The following DNAH10 variants were observed in gnomAD, a reference collection of about 807,000 sequenced individuals.
DNAH10 encodes dynein axonemal heavy chain 10, also known as axonemal beta dynein heavy chain 10.
DNAH10 carries 348 observed loss-of-function variants against 506.6 expected under a neutral mutation model. That is an observed-to-expected ratio of 0.69 (90% CI 0.63 to 0.75). The LOEUF is 0.75. Ranked by LOEUF, DNAH10 falls within the 30% of genes least tolerant of loss-of-function variation. The probability of loss-of-function intolerance (pLI) is 0.00; values close to 1 mark genes in which losing one functional copy is unlikely to be tolerated. For synonymous variants in DNAH10, 2,059 were observed against 2,198.6 expected, an observed-to-expected ratio of 0.94 and a Z score of 1.78; for missense variants, 5,179 against 5,787.1, an observed-to-expected ratio of 0.89 and a Z score of 3.41.
rs144551230 is a variant in DNAH10, at chr12:123,774,422, C to T, written c.621+158C>T. Among the ~76,000 whole-genome samples, 539 of 152,166 alleles carry T rather than the reference C, an allele frequency of 3.5e-3. 8 individuals are homozygous for T. Among genetic ancestry groups the T allele is most frequent in the African/African-American group, 0.012 (498 of 41,502 alleles). On this transcript the variant is annotated intron_variant, in intron 5 of 78. Coordinates refer to ENST00000673944, the MANE Select transcript of DNAH10 (RefSeq NM_001372106.1). Reference sequence around the variant, plus strand: ...CTCGGTTGGGGAGACCCTAACCCAGCGGCGCTAGAGAAATTAAAGACACAC... The same window carrying T: ...CTCGGTTGGGGAGACCCTAACCCAGTGGCGCTAGAGAAATTAAAGACACAC...
chr12:123,900,796 T>A (rs1953485064), intron 56 of DNAH10, among the ~76,000 whole-genome samples: 1 of 152,154 alleles, frequency 6.6e-6, no homozygotes, highest in Non-Finnish European at 1.5e-5. Flanking sequence ...CCGTTTGGGC[T>A]TCATCTCAGG....
Position 123,861,150 on chromosome 12 carries a change from A to G in DNAH10, c.6888A>G (p.Pro2296=), listed in dbSNP as rs1359102744. 1 of 1,614,002 alleles carries G rather than the reference A, an allele frequency of 6.2e-7. No homozygotes were observed. Among genetic ancestry groups the G allele is most frequent in the Non-Finnish European group, 8.5e-7 (1 of 1,179,892 alleles). Residue 2296 remains proline (P), a synonymous_variant, in exon 39 of 79, where the codon CCA becomes CCG. Coordinates refer to ENST00000673944, the MANE Select transcript of DNAH10 (RefSeq NM_001372106.1). The part of the protein sequence containing the change: ...LSNIFREINK[P]TDKKERKYIL... ...ACATCTTCAGGGAAATCAACAAGCC[A>G]ACAGACAAGAAGGAGCGAAAGTGAG...
intron 16 of DNAH10, among the ~76,000 whole-genome samples, chr12:123,801,812 GTT>G (rs59555853): frequency 0.078 from 11,860 of 152,194 alleles, 727 homozygotes; most frequent in African/African-American, 0.18. Flanking sequence ...TGCAAAACTA[GTT>G]AAGATCACAA....
intron 59 of DNAH10, among the ~76,000 whole-genome samples, 171 bp downstream of exon 59, chr12:123,910,843 T>C (rs972556211): frequency 2.6e-5 from 4 of 152,148 alleles, no homozygotes; most frequent in Non-Finnish European, 2.9e-5. Context: ...CACTATCACT[T>C]AGGCATAGTG....
In DNAH10 at chr12:123,893,452, C is replaced by A; in HGVS notation, c.9199+16C>A. 6.2e-7 allele frequency: 1 copy of A among 1,611,756 alleles called. No homozygotes were observed. Among genetic ancestry groups the A allele is most frequent in the South Asian group, 1.1e-5 (1 of 90,990 alleles). On this transcript the variant is annotated intron_variant, in intron 53 of 78. Transcript: ENST00000673944. ...AACTTCCCAGGTACCCGCGGTGGAG[C>A]CTGTGAACCCATTTCCCCTGCTTTG... is the stretch of plus-strand genomic sequence containing the variant.
chr12:123,834,183 A>AG (rs1326587604), intron 27 of DNAH10, among the ~76,000 whole-genome samples: 2 of 152,130 alleles, frequency 1.3e-5, no homozygotes, highest in African/African-American at 4.8e-5. Context: ...TATGTGGGAT[A>AG]TAGCACTGTT....
chr12:123,873,292 C>T (rs1366590751), intron 45 of DNAH10, among the ~76,000 whole-genome samples: 1 of 152,168 alleles, frequency 6.6e-6, no homozygotes, highest in Non-Finnish European at 1.5e-5. Flanking sequence ...AGAAACAAGA[C>T]CCTCAGTCTA....
rs371844367 is a variant in DNAH10, at chr12:123,814,815, T to C, written c.3780+903T>C. 2.1e-3 allele frequency among the ~76,000 whole-genome samples: 321 copies of C among 152,118 alleles called. 1 individual carries two copies. The highest frequency in any genetic ancestry group is 6.5e-3 in the African/African-American group (271 of 41,522). ...TGTATTTTTAGTAGAGACAGGGTTTTACTATGTTAGCCAGGATGGTCTCGA... is the reference window on the plus strand; with the variant it reads ...TGTATTTTTAGTAGAGACAGGGTTTCACTATGTTAGCCAGGATGGTCTCGA... On this transcript the variant is annotated intron_variant, in intron 21 of 78. Coordinates refer to ENST00000673944, the MANE Select transcript of DNAH10 (RefSeq NM_001372106.1).
At chr12:123,873,495 A>G in intron 45 of DNAH10, 63 bp from the exon 46 acceptor site, 1 of 1,532,036 alleles carries the variant, frequency 6.5e-7, no homozygotes, top group Non-Finnish European at 8.8e-7. Context: ...CTTATTTGCA[A>G]ATGTTTACTG....
Position 123,916,771 on chromosome 12 carries a change from A to T in DNAH10, c.11002+35A>T. On this transcript the variant is annotated intron_variant, in intron 63 of 78. Coordinates refer to ENST00000673944, the MANE Select transcript of DNAH10 (RefSeq NM_001372106.1). The surrounding 1 kb of genome is among the most constrained non-coding windows in gnomAD (Gnocchi z 4.6). Reference sequence around the variant, plus strand: ...TGTAGAACCTCCACTGCTAATTCAGATGGTTATGAGGGAGACCGCAACCTC... The same window carrying T: ...TGTAGAACCTCCACTGCTAATTCAGTTGGTTATGAGGGAGACCGCAACCTC... The T allele has an allele frequency of 6.3e-7, 1 of 1,575,820 alleles. No individual in the cohort carries two copies. The highest frequency in any genetic ancestry group is 1.2e-5 in the South Asian group (1 of 85,054).
intron 8 of DNAH10, 60 bp downstream of exon 8, chr12:123,784,237 A>C: frequency 6.5e-7 from 1 of 1,531,332 alleles, no homozygotes; most frequent in Non-Finnish European, 9.0e-7. Flanking sequence ...ATATGATTTA[A>C]TTTCCCTTTT....
In DNAH10 at chr12:123,926,400, CAACT is replaced by C. The variant is rs996970348; in HGVS notation, c.11922-236_11922-233del. On this transcript the variant is annotated intron_variant, in intron 68 of 78. Coordinates refer to ENST00000673944, the MANE Select transcript of DNAH10 (RefSeq NM_001372106.1). The surrounding 1 kb of genome is among the most constrained non-coding windows in gnomAD (Gnocchi z 4.1). ...CTGAGGTGCCCAGCTCAGCACAAAC[CAACT>C]GAATCGAGTGTGAGGGGGTACAGAG... is the stretch of plus-strand genomic sequence containing the variant. 4 of 499,634 alleles carry C rather than the reference CAACT, an allele frequency of 8.0e-6. No individual in the cohort carries two copies. The highest frequency in any genetic ancestry group is 7.9e-5 in the African/African-American group (4 of 50,538). The allele number at this position is 499,634 out of a possible 1,614,324, so 31.0% of individuals were successfully genotyped here. A position where few individuals can be genotyped will look rare whatever the true frequency, so the allele number is the denominator to read the frequency against.
chr12:123,886,268 T>C (rs1952721465), intron 51 of DNAH10, among the ~76,000 whole-genome samples: 1 of 151,570 alleles, frequency 6.6e-6, no homozygotes, highest in African/African-American at 2.4e-5. Flanking sequence ...CTGGAGGAGG[T>C]TGAGGACACA....
At chr12:123,899,619 A>G (rs1036690856) in intron 56 of DNAH10, among the ~76,000 whole-genome samples, 1 of 152,166 alleles carries the variant, frequency 6.6e-6, no homozygotes, top group African/African-American at 2.4e-5. Flanking sequence ...TGCCATCAGG[A>G]TGGGCTTATT....
chr12:123,764,482 T>A lies in DNAH10; in HGVS notation c.214+1932T>A, dbSNP rs1250151481. Among the ~76,000 whole-genome samples, 3 of 152,182 alleles carry A rather than the reference T, an allele frequency of 2.0e-5. No homozygotes were observed. The East Asian group carries it at 5.8e-4, about 29-fold the overall frequency. ...GTACCACCACTGCAGGAACTCGGGTTTCGTTTACATTAAAAAAAAATTACA... is the reference window on the plus strand; with the variant it reads ...GTACCACCACTGCAGGAACTCGGGTATCGTTTACATTAAAAAAAAATTACA... On this transcript the variant is annotated intron_variant, in intron 1 of 78. Coordinates refer to ENST00000673944, the MANE Select transcript of DNAH10 (RefSeq NM_001372106.1).
In DNAH10 at chr12:123,813,575, T is replaced by G; in HGVS notation, c.3556T>G (p.Ser1186Ala). 6.2e-7 allele frequency: 1 copy of G among 1,614,244 alleles called. No individual in the cohort carries two copies. ...GGAAAATGCCAAGTCCTGGGTGATT[T>G]CGCTTGGAAAACTTCTCAATGAGTC... Reference protein sequence around the residue: ...VQENAKSWVISLGKLLNESAK... With the variant: ...VQENAKSWVIALGKLLNESAK... Residue 1186 changes from serine (S) to alanine (A), a missense_variant, in exon 20 of 79, where the codon TCG (serine) becomes GCG (alanine). By Grantham distance (99) the Ser-to-Ala change is moderately conservative. Around this residue, in one of 3 missense-constraint regions of DNAH10, gnomAD observed 4,844 missense variants for 5,430.5 expected, o/e 0.89. Transcript: ENST00000673944.
chr12:123,789,376 T>TTGTGTG (rs368474130), intron 10 of DNAH10, among the ~76,000 whole-genome samples: 1,882 of 149,602 alleles, frequency 0.013, 37 homozygotes, highest in African/African-American at 0.043. Flanking sequence ...TCTCACCTCT[T>TTGTGTG]TGTGTGTGTG....
chr12:123,809,832 T>C (rs964200552), intron 19 of DNAH10, among the ~76,000 whole-genome samples: 6 of 152,168 alleles, frequency 3.9e-5, no homozygotes, highest in African/African-American at 1.4e-4. Context: ...ACGAGGATCA[T>C]GCTCCCTCAT....
In DNAH10 at chr12:123,931,660, GCGAT is replaced by G; in HGVS notation, c.12942_12945del (p.Asp4315IlefsTer10). 1.2e-6 allele frequency: 2 copies of G among 1,613,994 alleles called. No individual in the cohort carries two copies. The highest frequency in any genetic ancestry group is 1.7e-6 in the Non-Finnish European group (2 of 1,179,902). ...GGGGAATCCAGCAGTGGTATCAGCC[GCGAT>G]GATTATATTGGCCAAGTGGCCAAAG... On this transcript the variant is annotated frameshift_variant, in exon 75 of 79. Transcript: ENST00000673944. LOFTEE classifies it high-confidence loss of function.
Sources: gnomAD v4.1 joint callset for allele counts (sites outside exome capture counted in the v4.1 genomes callset) on GRCh38, gnomAD v4.1.1 for gene constraint, gnomAD v4.1.1 regional missense constraint, Gnocchi (gnomAD v3.1) non-coding constraint, MANE v1.5 for transcripts, NCBI Gene and HGNC (gene_info 2026-07-23, HGNC 2026-07-21) for gene names.